SOX5: variants seen among roughly 807,000 people sequenced by gnomAD.
SOX5 encodes SRY-box transcription factor 5.
In SOX5, 9 loss-of-function variants were observed where a neutral mutation model predicts 92.0. That is an observed-to-expected ratio of 0.10 (90% CI 0.06 to 0.17). The LOEUF (loss-of-function observed/expected upper bound fraction) is 0.17, where lower values mean the gene tolerates loss of function less well. Among genes scored for constraint, SOX5 ranks in the 10% least tolerant of loss-of-function variants. The pLI is 1.00. For missense variants in SOX5, 642 were observed against 944.5 expected (o/e 0.68, Z 4.20); for synonymous variants, 344 against 336.3 (o/e 1.02, Z -0.25).
In SOX5 at chr12:23,737,485, A is replaced by T. The variant is rs367833196; in HGVS notation, c.742-2733T>A. Among the ~76,000 whole-genome samples the T allele has an allele frequency of 4.6e-5, 7 of 152,234 alleles. No individual in the cohort carries two copies. The East Asian group carries it at 1.4e-3, about 29-fold the overall frequency. On this transcript the variant is annotated intron_variant, in intron 5 of 14. Transcript: ENST00000451604. ...AATCTGGGAGGTGGAGGTTGCAGTG[A>T]GCCAAGATCACGCCATTGCACTCCA...
intron 3 of SOX5, among the ~76,000 whole-genome samples, chr12:23,839,619 T>TCC (rs780423408): frequency 1.3e-5 from 2 of 152,200 alleles, no homozygotes; most frequent in Non-Finnish European, 2.9e-5. Context: ...TCCAACAATC[T>TCC]ATCAAAATAA....
At chr12:23,737,341 C>A (rs2140948085) in intron 5 of SOX5, among the ~76,000 whole-genome samples, 1 of 152,092 alleles carries the variant, frequency 6.6e-6, no homozygotes, top group South Asian at 2.1e-4. Context: ...GAGTTCGAGA[C>A]CAGCCTGGCC....
chr12:23,975,481 T>G (rs1383647174), intron 4 of SOX5, among the ~76,000 whole-genome samples: 1 of 152,178 alleles, frequency 6.6e-6, no homozygotes, highest in African/African-American at 2.4e-5. Context: ...ACGGTTTGTT[T>G]TATCTTTGTT....
intron 4 of SOX5, among the ~76,000 whole-genome samples, chr12:24,121,567 C>CTT (rs11286069): frequency 4.7e-4 from 50 of 106,002 alleles, no homozygotes; most frequent in African/African-American, 1.1e-3. Flanking sequence ...AAATGGCTAA[C>CTT]TTTTTTTTTT....
At chr12:24,203,833 C>A (rs1367514540) in intron 4 of SOX5, among the ~76,000 whole-genome samples, 1 of 152,074 alleles carries the variant, frequency 6.6e-6, no homozygotes, top group Admixed American at 6.6e-5. Context: ...CTTTTTTATC[C>A]ACTTCCTTCA....
intron 2 of SOX5, among the ~76,000 whole-genome samples, chr12:24,326,074 C>G (rs1950650345): frequency 6.6e-6 from 1 of 152,166 alleles, no homozygotes. Flanking sequence ...ATCTCTAAAA[C>G]AAGGACCTTA....
intron 2 of SOX5, among the ~76,000 whole-genome samples, chr12:24,337,228 A>G (rs189693824): frequency 3.9e-4 from 59 of 152,288 alleles, no homozygotes; most frequent in Admixed American, 9.8e-4. Context: ...TAAATGAACA[A>G]TATTCATCTT....
chr12:23,618,755 A>G (rs1369903786), intron 8 of SOX5, among the ~76,000 whole-genome samples: 1 of 152,208 alleles, frequency 6.6e-6, no homozygotes, highest in Non-Finnish European at 1.5e-5. Context: ...TCAGAAGTCC[A>G]AGTGGCCCTG....
At chr12:24,110,842 A>G (rs1947244838) in intron 4 of SOX5, among the ~76,000 whole-genome samples, 2 of 135,278 alleles carry the variant, frequency 1.5e-5, no homozygotes, top group Admixed American at 1.7e-4. Flanking sequence ...CGGAGCTTGC[A>G]GTGAGTTGAG....
intron 6 of SOX5, among the ~76,000 whole-genome samples, chr12:23,675,023 AT>A (rs1211382689): frequency 6.6e-6 from 1 of 152,038 alleles, no homozygotes; most frequent in African/African-American, 2.4e-5. Context: ...AAACAGAAAA[AT>A]TTTTTTGATA....
At chr12:24,100,403 C>A (rs1344031195) in intron 4 of SOX5, among the ~76,000 whole-genome samples, 1 of 152,132 alleles carries the variant, frequency 6.6e-6, no homozygotes, top group Non-Finnish European at 1.5e-5. Flanking sequence ...TCACCAAAGT[C>A]AGTCCTCCAT....
chr12:23,636,939 A>G (rs947271755), intron 8 of SOX5, among the ~76,000 whole-genome samples: 17 of 152,332 alleles, frequency 1.1e-4, no homozygotes, highest in African/African-American at 4.1e-4. Context: ...ATATTAATAC[A>G]TAACACAAAA....
At chr12:23,806,017 T>C (rs1318763461) in intron 3 of SOX5, among the ~76,000 whole-genome samples, 1 of 152,192 alleles carries the variant, frequency 6.6e-6, no homozygotes, top group Non-Finnish European at 1.5e-5. Context: ...AGGAATATGC[T>C]AAGATTTAGA....
At chr12:24,315,841 G>T (rs1277554375) in intron 2 of SOX5, among the ~76,000 whole-genome samples, 5 of 152,210 alleles carry the variant, frequency 3.3e-5, no homozygotes, top group African/African-American at 1.2e-4. Context: ...AGGCTCAAAT[G>T]AAAGTTACAA....
At chr12:23,693,337 T>C (rs1422332061) in intron 6 of SOX5, among the ~76,000 whole-genome samples, 3 of 152,138 alleles carry the variant, frequency 2.0e-5, no homozygotes, top group Non-Finnish European at 2.9e-5. Context: ...TTGGTCAGGC[T>C]GGTCTTGAAC....
intron 1 of SOX5, among the ~76,000 whole-genome samples, chr12:24,543,276 C>A (rs1366012746): frequency 6.6e-6 from 1 of 152,166 alleles, no homozygotes. Context: ...ACCATTGTAA[C>A]CCCCTTACTC....
At chr12:23,647,130 G>A (rs1483737472) in intron 7 of SOX5, among the ~76,000 whole-genome samples, 3 of 152,172 alleles carry the variant, frequency 2.0e-5, no homozygotes, top group Non-Finnish European at 4.4e-5. Flanking sequence ...TTGACTCGTT[G>A]GCTGTAGAAC....
chr12:23,830,807 C>T (rs1425254094), intron 3 of SOX5, among the ~76,000 whole-genome samples: 1 of 152,118 alleles, frequency 6.6e-6, no homozygotes, highest in African/African-American at 2.4e-5. Context: ...TCTAGTTTAA[C>T]TTGCCTGTTG....
At chr12:24,500,578 G>A (rs1025092070) in intron 1 of SOX5, among the ~76,000 whole-genome samples, 5 of 152,090 alleles carry the variant, frequency 3.3e-5, no homozygotes, top group African/African-American at 1.2e-4. Flanking sequence ...CAACATAAAA[G>A]CCAACTTCTC....
Sources: gnomAD v4.1 joint callset for allele counts (sites outside exome capture counted in the v4.1 genomes callset) on GRCh38, gnomAD v4.1.1 for gene constraint, MANE v1.5 for transcripts, NCBI Gene and HGNC (gene_info 2026-07-23, HGNC 2026-07-21) for gene names.